The following QTMAN variants were observed in gnomAD, a reference collection of about 807,000 sequenced individuals.
The protein encoded by QTMAN is tRNA-queuosine alpha-mannosyltransferase.
At chr2:144,074,067 C>T in the QTMAN span, among the ~76,000 whole-genome samples, 1 of 152,150 alleles carries the variant, frequency 6.6e-6, no homozygotes, top group Non-Finnish European at 1.5e-5. Flanking sequence ...AGAGAACATG[C>T]TCCTATTTGA....
chr2:144,100,728 A>G, the QTMAN span, among the ~76,000 whole-genome samples: 1 of 152,206 alleles, frequency 6.6e-6, no homozygotes, highest in South Asian at 2.1e-4. Flanking sequence ...GTAGGCTATC[A>G]GAGAATTAAT....
At chr2:143,996,583 A>C in the QTMAN span, among the ~76,000 whole-genome samples, 2 of 152,162 alleles carry the variant, frequency 1.3e-5, no homozygotes, top group Admixed American at 1.3e-4. Context: ...GGGCAGTTAC[A>C]TAAGGCTCAC....
chr2:144,132,518 T>C, the QTMAN span, among the ~76,000 whole-genome samples: 11 of 152,106 alleles, frequency 7.2e-5, no homozygotes, highest in Non-Finnish European at 1.6e-4. Flanking sequence ...GTGGAATGTA[T>C]GAATATCATA....
At chr2:144,270,422 T>C in the QTMAN span, among the ~76,000 whole-genome samples, 2 of 152,142 alleles carry the variant, frequency 1.3e-5, no homozygotes, top group Admixed American at 6.5e-5. Context: ...CCATCAATGA[T>C]AGACTGGATA....
At chr2:143,952,704 A>C in the QTMAN span, 1 of 1,128,762 alleles carries the variant, frequency 8.9e-7, no homozygotes, top group Non-Finnish European at 1.3e-6. Flanking sequence ...GTTTATTTTC[A>C]AACTTTCTAA....
At chr2:144,311,671 T>A in the QTMAN span, among the ~76,000 whole-genome samples, 1 of 152,352 alleles carries the variant, frequency 6.6e-6, no homozygotes, top group South Asian at 2.1e-4. Context: ...CTACTTGATA[T>A]CCTTTTGTTC....
chr2:144,046,809 T>C, the QTMAN span, among the ~76,000 whole-genome samples: 1 of 152,246 alleles, frequency 6.6e-6, no homozygotes, highest in African/African-American at 2.4e-5. Flanking sequence ...TTATTTTTTG[T>C]CAAATATTTA....
At chr2:144,187,111 A>G in the QTMAN span, among the ~76,000 whole-genome samples, 1 of 152,226 alleles carries the variant, frequency 6.6e-6, no homozygotes, top group African/African-American at 2.4e-5. Context: ...ACAATCATCT[A>G]CGTGATTATT....
At chr2:144,169,758 G>T in the QTMAN span, among the ~76,000 whole-genome samples, 1 of 151,942 alleles carries the variant, frequency 6.6e-6, no homozygotes, top group East Asian at 1.9e-4. Flanking sequence ...TTATATTACT[G>T]TCCTCTCAAG....
chr2:144,124,379 CTAACA>C, the QTMAN span, among the ~76,000 whole-genome samples: 1 of 152,114 alleles, frequency 6.6e-6, no homozygotes, highest in Non-Finnish European at 1.5e-5. Flanking sequence ...GTTATAATAC[CTAACA>C]TATTAGGTCA....
At chr2:144,081,799 A>C in the QTMAN span, among the ~76,000 whole-genome samples, 5 of 152,126 alleles carry the variant, frequency 3.3e-5, no homozygotes, top group African/African-American at 1.2e-4. Flanking sequence ...TGGCAACATT[A>C]TTCTTGACTG....
the QTMAN span, among the ~76,000 whole-genome samples, chr2:144,257,245 C>T: frequency 1.3e-5 from 2 of 151,920 alleles, no homozygotes; most frequent in Admixed American, 1.3e-4. Context: ...ATCTGCACTC[C>T]CTAAGAACTC....
At chr2:144,152,482 A>G in the QTMAN span, among the ~76,000 whole-genome samples, 1 of 152,236 alleles carries the variant, frequency 6.6e-6, no homozygotes, top group Non-Finnish European at 1.5e-5. Context: ...TCCATAAAAG[A>G]CACTTTGTAA....
At chr2:144,133,174 A>ATT in the QTMAN span, among the ~76,000 whole-genome samples, 23 of 49,420 alleles carry the variant, frequency 4.7e-4, 1 homozygote, top group Admixed American at 2.2e-3. Context: ...ATATATATAA[A>ATT]TATATATAAT....
At chr2:144,219,373 C>G in the QTMAN span, among the ~76,000 whole-genome samples, 2 of 152,088 alleles carry the variant, frequency 1.3e-5, no homozygotes, top group African/African-American at 4.8e-5. Context: ...TCAGGTGATC[C>G]ACCCATCTCG....
chr2:144,118,733 T>C, the QTMAN span, among the ~76,000 whole-genome samples: 1 of 151,932 alleles, frequency 6.6e-6, no homozygotes, highest in African/African-American at 2.4e-5. Flanking sequence ...TACAAAAAAT[T>C]AGCCGGGCAT....
At chr2:144,205,362 T>C in the QTMAN span, among the ~76,000 whole-genome samples, 1 of 152,104 alleles carries the variant, frequency 6.6e-6, no homozygotes, top group African/African-American at 2.4e-5. Context: ...CTTTTATAAG[T>C]AAAATTTAAA....
chr2:144,020,290 C>A, the QTMAN span, among the ~76,000 whole-genome samples: 197 of 152,228 alleles, frequency 1.3e-3, 2 homozygotes, highest in African/African-American at 4.5e-3. Context: ...CTGCCACGCC[C>A]CTATCCTGGG....
At chr2:144,134,641 T>C in the QTMAN span, among the ~76,000 whole-genome samples, 2 of 152,106 alleles carry the variant, frequency 1.3e-5, no homozygotes, top group East Asian at 1.9e-4. Context: ...ATCGTGAAAA[T>C]ATATGAAATT....
Sources: allele counts gnomAD v4.1 joint callset (sites outside exome capture counted in the v4.1 genomes callset), GRCh38; gene constraint gnomAD v4.1.1; transcripts MANE v1.5; gene names NCBI Gene and HGNC (gene_info 2026-07-23, HGNC 2026-07-21).